PRKAR2B: variants seen among roughly 807,000 people sequenced by gnomAD.
PRKAR2B encodes cAMP-dependent protein kinase type II-beta regulatory subunit.
PRKAR2B carries 14 observed loss-of-function variants against 49.9 expected under a neutral mutation model. That is an observed-to-expected ratio of 0.28 (90% CI 0.19 to 0.44). The LOEUF is 0.44. PRKAR2B is among the 20% of genes least tolerant of loss of function. The pLI, the probability that PRKAR2B is intolerant of heterozygous loss-of-function variation, is 1.00. For synonymous variants in PRKAR2B, 196 were observed against 197.7 expected (o/e 0.99, Z 0.07); for missense variants, 393 against 537.9 (o/e 0.73, Z 2.67).
At chr7:107,051,066 G>A (rs1194478548) in intron 1 of PRKAR2B, among the ~76,000 whole-genome samples, 1 of 152,206 alleles carries the variant, frequency 6.6e-6, no homozygotes, top group African/African-American at 2.4e-5. Flanking sequence ...TTTGTTAATA[G>A]ATGGGGCAGG....
At chr7:107,135,582 A>T (rs1301100882) in intron 4 of PRKAR2B, among the ~76,000 whole-genome samples, 1 of 152,204 alleles carries the variant, frequency 6.6e-6, no homozygotes, top group African/African-American at 2.4e-5. Context: ...TCAGCAGTGA[A>T]CAAGTGGAAT....
intron 4 of PRKAR2B, among the ~76,000 whole-genome samples, chr7:107,135,238 C>T (rs1476364493): frequency 6.6e-6 from 1 of 151,992 alleles, no homozygotes; most frequent in Non-Finnish European, 1.5e-5. Context: ...ATCAAAACTA[C>T]AATGAAATAC....
At chr7:107,148,080 G>C (rs1795923496) in intron 6 of PRKAR2B, among the ~76,000 whole-genome samples, 1 of 152,122 alleles carries the variant, frequency 6.6e-6, no homozygotes. Flanking sequence ...CTCAGGAAAA[G>C]GAAAGAACTG....
At chr7:107,065,237 T>C (rs1208949988) in intron 1 of PRKAR2B, among the ~76,000 whole-genome samples, 1 of 152,192 alleles carries the variant, frequency 6.6e-6, no homozygotes, top group African/African-American at 2.4e-5. Flanking sequence ...ACGAACACTT[T>C]TCTGCAAAAG....
At position 107,094,081 on chromosome 7, in the gene PRKAR2B, C is replaced by T. The variant is rs543909460; in HGVS notation, c.343+23765C>T. On this transcript the variant is annotated intron_variant, in intron 2 of 10. Coordinates refer to ENST00000265717, the MANE Select transcript of PRKAR2B (RefSeq NM_002736.3). ...TTCTGGTTCTAGATCCTTGAGGAAT[C>T]GCCACACTGTCTTCCACAACAGTTG... Among the ~76,000 whole-genome samples the T allele has an allele frequency of 1.5e-4, 23 of 152,314 alleles. No individual in the cohort carries two copies. In the South Asian group the frequency reaches 2.7e-3, roughly 18 times the overall value.
chr7:107,138,075 C>G (rs1451113138), intron 4 of PRKAR2B, among the ~76,000 whole-genome samples: 1 of 151,934 alleles, frequency 6.6e-6, no homozygotes, highest in East Asian at 1.9e-4. Context: ...GCACTCCTTT[C>G]TTTTCATCTC....
At chr7:107,071,675 T>G (rs953865841) in intron 2 of PRKAR2B, among the ~76,000 whole-genome samples, 5 of 152,156 alleles carry the variant, frequency 3.3e-5, no homozygotes, top group South Asian at 2.1e-4. Context: ...GAAACACAGT[T>G]AAGAGTCATA....
chr7:107,056,720 C>G (rs552941154), intron 1 of PRKAR2B, among the ~76,000 whole-genome samples: 1 of 151,994 alleles, frequency 6.6e-6, no homozygotes, highest in Non-Finnish European at 1.5e-5. Context: ...TGGGCTGAGA[C>G]GATGTTAAAT....
intron 2 of PRKAR2B, among the ~76,000 whole-genome samples, chr7:107,121,711 T>C (rs1294836051): frequency 1.3e-5 from 2 of 152,146 alleles, no homozygotes. Flanking sequence ...GCTATGTTTC[T>C]CTAAATAGGA....
chr7:107,135,718 G>C (rs1457030158), intron 4 of PRKAR2B, among the ~76,000 whole-genome samples: 1 of 152,050 alleles, frequency 6.6e-6, no homozygotes, highest in African/African-American at 2.4e-5. Context: ...AAGGAAATCA[G>C]GGAAGAATTT....
chr7:107,114,963 C>T (rs1238196713), intron 2 of PRKAR2B, among the ~76,000 whole-genome samples: 1 of 151,824 alleles, frequency 6.6e-6, no homozygotes. Flanking sequence ...AAATAATGGG[C>T]TTATAATGAA....
intron 2 of PRKAR2B, among the ~76,000 whole-genome samples, chr7:107,104,102 G>C (rs531755325): frequency 6.6e-6 from 1 of 152,092 alleles, no homozygotes; most frequent in Admixed American, 6.5e-5. Flanking sequence ...CACGATCTCG[G>C]CTTACTGCAA....
At chr7:107,131,982 G>T (rs2115614063) in intron 4 of PRKAR2B, among the ~76,000 whole-genome samples, 1 of 152,308 alleles carries the variant, frequency 6.6e-6, no homozygotes, top group East Asian at 1.9e-4. Flanking sequence ...TTTAGAGATG[G>T]TTGTTGTCCT....
chr7:107,097,125 T>C (rs1794855235), intron 2 of PRKAR2B, among the ~76,000 whole-genome samples: 1 of 152,148 alleles, frequency 6.6e-6, no homozygotes, highest in Non-Finnish European at 1.5e-5. Flanking sequence ...AAGTCTCCCA[T>C]TATTATTGTG....
chr7:107,114,420 G>A (rs2115565081), intron 2 of PRKAR2B, among the ~76,000 whole-genome samples: 1 of 150,806 alleles, frequency 6.6e-6, no homozygotes, highest in Non-Finnish European at 1.5e-5. Flanking sequence ...GGAGTGCAGT[G>A]GCACCATCTC....
At chr7:107,102,574 T>C (rs879913058) in intron 2 of PRKAR2B, among the ~76,000 whole-genome samples, 4 of 152,232 alleles carry the variant, frequency 2.6e-5, no homozygotes, top group Non-Finnish European at 4.4e-5. Context: ...CCAGAGTTTC[T>C]TGAGCAAAGC....
chr7:107,161,216 A>G lies in PRKAR2B; in HGVS notation c.*1634A>G, dbSNP rs1027531186. The stretch of plus-strand genomic sequence containing the variant: ...CTTGTAGGAAAAGAGAGCTCTCTAC[A>G]TGAAGATGACTTGTTTTATATTTCA... On this transcript the variant is annotated 3_prime_UTR_variant, in exon 11 of 11. Coordinates refer to ENST00000265717, the MANE Select transcript of PRKAR2B (RefSeq NM_002736.3). The G allele has an allele frequency of 3.3e-5, 5 of 152,202 alleles. No individual in the cohort carries two copies. The highest frequency in any genetic ancestry group is 1.2e-4 in the African/African-American group (5 of 41,462). The allele number at this position is 152,202 out of a possible 1,614,324, so 9.4% of individuals were successfully genotyped here. A position where few individuals can be genotyped will look rare whatever the true frequency, so the allele number is the denominator to read the frequency against.
At chr7:107,105,112 T>C (rs536637154) in intron 2 of PRKAR2B, among the ~76,000 whole-genome samples, 2 of 152,184 alleles carry the variant, frequency 1.3e-5, no homozygotes, top group Non-Finnish European at 2.9e-5. Context: ...AATTATTGTT[T>C]TTTTCCGTGG....
At chr7:107,106,336 G>A (rs960678219) in intron 2 of PRKAR2B, among the ~76,000 whole-genome samples, 2 of 152,248 alleles carry the variant, frequency 1.3e-5, no homozygotes, top group African/African-American at 4.8e-5. Flanking sequence ...AAAATGGCTC[G>A]GCCTTGGTTA....
Sources: gnomAD v4.1 joint callset for allele counts (sites outside exome capture counted in the v4.1 genomes callset) on GRCh38, gnomAD v4.1.1 for gene constraint, MANE v1.5 for transcripts, NCBI Gene and HGNC (gene_info 2026-07-23, HGNC 2026-07-21) for gene names.